The following CPNE1 variants were observed in gnomAD, a reference collection of about 807,000 sequenced individuals.
The protein encoded by CPNE1 is copine-1.
Under a neutral mutation model 63.2 loss-of-function variants are expected in CPNE1, and 58 were observed. That is an observed-to-expected ratio of 0.92 (90% CI 0.74 to 1.14). The LOEUF (loss-of-function observed/expected upper bound fraction) is 1.14. Among genes scored for constraint, CPNE1 ranks in the 50% most tolerant of loss-of-function variants. The pLI is 0.00. For missense variants in CPNE1, 672 were observed against 661.7 expected (o/e 1.02, Z -0.17); for synonymous variants, 237 against 249.0 (o/e 0.95, Z 0.45).
At chr20:35,656,753 C>A (rs2033922660) in intron 1 of CPNE1, among the ~76,000 whole-genome samples, 1 of 147,650 alleles carries the variant, frequency 6.8e-6, no homozygotes, top group Admixed American at 6.7e-5. Context: ...GTGATCCACC[C>A]TCCTCAGTCT....
At chr20:35,642,202 C>T (rs2032850867) in intron 1 of CPNE1, among the ~76,000 whole-genome samples, 1 of 152,166 alleles carries the variant, frequency 6.6e-6, no homozygotes, top group African/African-American at 2.4e-5. Context: ...AATTCAGTGC[C>T]AAATGAGCTG....
At chr20:35,657,600 A>C (rs1409865407) in intron 1 of CPNE1, among the ~76,000 whole-genome samples, 1 of 152,230 alleles carries the variant, frequency 6.6e-6, no homozygotes, top group African/African-American at 2.4e-5. Flanking sequence ...TGTTAAGAGC[A>C]GGGATTTACT....
rs751749297 is a variant in CPNE1 at position 35,653,711 on chromosome 20, C to T, written c.-1+11049G>A. On this transcript the variant is annotated intron_variant, in intron 1 of 15. Transcript: ENST00000397443. ...GCACAGACTTTGGCAGAGTTGACATCCCCCTCTGGATTTAGTATCATTTCC... is the reference window on the plus strand; with the variant it reads ...GCACAGACTTTGGCAGAGTTGACATTCCCCTCTGGATTTAGTATCATTTCC... 9 of 1,614,078 alleles carry T rather than the reference C, an allele frequency of 5.6e-6. No homozygotes were observed. In the African/African-American group the frequency reaches 8.0e-5, roughly 14 times the overall value.
Position 35,631,358 on chromosome 20 carries a change from G to C in CPNE1, c.715-4C>G. 6.2e-7 allele frequency: 1 copy of C among 1,613,972 alleles called. No homozygotes were observed. Among genetic ancestry groups the C allele is most frequent in the Non-Finnish European group, 8.5e-7 (1 of 1,179,856 alleles). ...GGTGGATGCATTCAAACTCAGCCTG[G>C]TGAGGACAGAAAAATTAGGGTAGGA... On this transcript the variant is annotated splice_polypyrimidine_tract_variant and splice_region_variant and intron_variant, in intron 8 of 15. Coordinates refer to ENST00000397443, the MANE Select transcript of CPNE1 (RefSeq NM_152925.3).
At chr20:35,642,949 G>C (rs547727354) in intron 1 of CPNE1, among the ~76,000 whole-genome samples, 3 of 152,292 alleles carry the variant, frequency 2.0e-5, no homozygotes, top group South Asian at 4.1e-4. Context: ...CCACTTTACT[G>C]TACTGGGTGA....
chr20:35,626,197 T>A lies in CPNE1; in HGVS notation c.*44A>T, dbSNP rs11815. On this transcript the variant is annotated 3_prime_UTR_variant, in exon 16 of 16. Coordinates refer to ENST00000397443, the MANE Select transcript of CPNE1 (RefSeq NM_152925.3). ...GGTTGGGTTGTGGCCCAGAGGGACC[T>A]CTGGGACACAGGATTGAGGACTTGC... 1 of 1,610,742 alleles carries A rather than the reference T, an allele frequency of 6.2e-7. No individual in the cohort carries two copies. Among genetic ancestry groups the A allele is most frequent in the Non-Finnish European group, 8.5e-7 (1 of 1,177,076 alleles).
rs1249239770 is a variant in CPNE1, at chr20:35,653,747, A to G, written c.-1+11013T>C. On this transcript the variant is annotated intron_variant, in intron 1 of 15. Coordinates refer to ENST00000397443, the MANE Select transcript of CPNE1 (RefSeq NM_152925.3). The stretch of plus-strand genomic sequence containing the variant: ...TTTAGTATCATTTCCCTCTGGTCAT[A>G]GCTGAAGTTCTGCAGTCTTTTTCGA... The G allele has an allele frequency of 2.5e-6, 4 of 1,614,184 alleles. No individual in the cohort carries two copies. Among genetic ancestry groups the G allele is most frequent in the East Asian group, 4.5e-5 (2 of 44,890 alleles).
At chr20:35,654,798 A>G in intron 1 of CPNE1, 1 of 1,614,156 alleles carries the variant, frequency 6.2e-7, no homozygotes, top group Non-Finnish European at 8.5e-7. Context: ...CTGTGCTTGG[A>G]ACAGTTGAGC....
intron 1 of CPNE1, among the ~76,000 whole-genome samples, chr20:35,656,884 T>C (rs867837059): frequency 4.7e-5 from 7 of 147,688 alleles, no homozygotes; most frequent in African/African-American, 1.7e-4. Context: ...ATGAAGAGAT[T>C]TGGTTTTATC....
intron 1 of CPNE1, among the ~76,000 whole-genome samples, chr20:35,646,656 T>TG (rs1157876428): frequency 2.6e-5 from 4 of 152,046 alleles, no homozygotes; most frequent in African/African-American, 9.7e-5. Context: ...GTTTACTATA[T>TG]AAGCAAGCAA....
intron 1 of CPNE1, chr20:35,653,458 T>C (rs1294979016): frequency 6.2e-7 from 1 of 1,614,176 alleles, no homozygotes; most frequent in Non-Finnish European, 8.5e-7. Context: ...TCTCATATCT[T>C]CTAGGGTAAC....
chr20:35,642,816 G>A (rs543690651), intron 1 of CPNE1, among the ~76,000 whole-genome samples: 17 of 152,264 alleles, frequency 1.1e-4, no homozygotes, highest in Admixed American at 7.2e-4. Context: ...ATTTGGTTTA[G>A]ATCCATATAC....
intron 1 of CPNE1, among the ~76,000 whole-genome samples, chr20:35,638,872 G>C (rs765770059): frequency 6.6e-6 from 1 of 152,160 alleles, no homozygotes; most frequent in African/African-American, 2.4e-5. Flanking sequence ...TGAAGTTTCA[G>C]AACAGGCAAA....
At chr20:35,633,411 C>A in intron 1 of CPNE1, among the ~76,000 whole-genome samples, 1 of 152,208 alleles carries the variant, frequency 6.6e-6, no homozygotes, top group East Asian at 1.9e-4. Context: ...TTCTCACTAA[C>A]CCTGGGGATC....
At chr20:35,632,094 C>T in intron 5 of CPNE1, 69 bp from the exon 6 acceptor site, 1 of 1,596,160 alleles carries the variant, frequency 6.3e-7, no homozygotes, top group East Asian at 2.2e-5. Context: ...TCTGTCCACA[C>T]CCCCATCCCC....
intron 13 of CPNE1, 25 bp from the exon 14 acceptor site, chr20:35,627,438 G>A (rs767313284): frequency 1.1e-5 from 17 of 1,611,732 alleles, no homozygotes; most frequent in Admixed American, 3.3e-5. Flanking sequence ...AAGAAATACC[G>A]TAAAATCCTG....
rs1481250951 is a variant in CPNE1, at chr20:35,631,157, G to A, written c.818C>T (p.Ser273Phe). The A allele has an allele frequency of 1.2e-6, 2 of 1,614,122 alleles. No homozygotes were observed. The highest frequency in any genetic ancestry group is 1.7e-5 in the Admixed American group (1 of 60,020). ...VKICRVETEY[S>F]FLDYVMGGCQ... ...GCCTCCCATCACATAGTCCAGAAAG[G>A]AGTACTCTGTTTCTACCTGCAAATG... The change falls in exon 10 of 16, where the codon TCC becomes TTC. Residue 273 changes from serine (S) to phenylalanine (F), a missense_variant. Transcript: ENST00000397443.
At chr20:35,654,350 G>GA (rs745440094) in intron 1 of CPNE1, 1 of 1,614,122 alleles carries the variant, frequency 6.2e-7, no homozygotes, top group Admixed American at 1.7e-5. Flanking sequence ...CGGAGCCCAT[G>GA]AAAAAAATCT....
intron 1 of CPNE1, among the ~76,000 whole-genome samples, chr20:35,658,195 T>G (rs17427233): frequency 0.068 from 10,291 of 152,270 alleles, 431 homozygotes; most frequent in South Asian, 0.18. Context: ...AGGGTTAGAT[T>G]CCACTTGCTA....
Sources: gnomAD v4.1 joint callset for allele counts (sites outside exome capture counted in the v4.1 genomes callset) on GRCh38, gnomAD v4.1.1 for gene constraint, MANE v1.5 for transcripts, NCBI Gene and HGNC (gene_info 2026-07-23, HGNC 2026-07-21) for gene names.